The following HMG20A variants were observed in gnomAD, a reference collection of about 807,000 sequenced individuals.
The protein encoded by HMG20A is high mobility group protein 20A.
HMG20A carries 17 observed loss-of-function variants against 43.9 expected under a neutral mutation model. The observed-to-expected ratio is 0.39, with a 90% CI of 0.27 to 0.58. HMG20A has a LOEUF of 0.58. HMG20A is among the 20% of genes least tolerant of loss of function. HMG20A has a pLI of 0.59. For synonymous variants in HMG20A, 132 were observed against 147.5 expected (o/e 0.89, Z 0.76); for missense variants, 341 against 438.2 (o/e 0.78, Z 1.98).
chr15:77,471,829 G>T lies in HMG20A; in HGVS notation c.615+15G>T. On this transcript the variant is annotated intron_variant, in intron 6 of 9. Coordinates refer to ENST00000336216, the MANE Select transcript of HMG20A (RefSeq NM_001304504.2). The stretch of plus-strand genomic sequence containing the variant: ...ATGATCATGAGGTAATTAGCCATCT[G>T]TCTACATATCATATATATGTATTTA... 1 of 1,459,648 alleles carries T rather than the reference G, an allele frequency of 6.9e-7. No individual in the cohort carries two copies. 90.4% of individuals were successfully genotyped at this position (1,459,648 alleles called of 1,614,324 possible). A position where few individuals can be genotyped will look rare whatever the true frequency, so the allele number is the denominator to read the frequency against.
intron 6 of HMG20A, among the ~76,000 whole-genome samples, chr15:77,477,121 T>A (rs547987634): frequency 6.6e-6 from 1 of 152,228 alleles, no homozygotes; most frequent in Non-Finnish European, 1.5e-5. Context: ...TTGTCCACTC[T>A]GCAAATTTAT....
At chr15:77,459,931 C>A (rs1270251189) in intron 2 of HMG20A, among the ~76,000 whole-genome samples, 1 of 152,090 alleles carries the variant, frequency 6.6e-6, no homozygotes, top group African/African-American at 2.4e-5. Context: ...TCATAGGGAT[C>A]AAAATATTTA....
chr15:77,478,166 G>GAGAAT, intron 7 of HMG20A, 129 bp from the exon 8 acceptor site: 1 of 783,152 alleles, frequency 1.3e-6, no homozygotes, highest in Non-Finnish European at 2.2e-6. Context: ...ATGCCATAAT[G>GAGAAT]AGAATAGGGA....
the HMG20A span, among the ~76,000 whole-genome samples, chr15:77,519,011 G>A: frequency 6.6e-6 from 1 of 152,168 alleles, no homozygotes; most frequent in African/African-American, 2.4e-5. Context: ...GATGCTGCAG[G>A]CAATGTCTAT....
the HMG20A span, among the ~76,000 whole-genome samples, chr15:77,518,122 T>A: frequency 2.0e-5 from 3 of 152,148 alleles, no homozygotes; most frequent in African/African-American, 7.2e-5. Context: ...GCTGATCCCA[T>A]CAAGGATGGA....
At chr15:77,492,985 C>T in the HMG20A span, among the ~76,000 whole-genome samples, 1 of 152,040 alleles carries the variant, frequency 6.6e-6, no homozygotes, top group African/African-American at 2.4e-5. Context: ...GGCGGGTTCA[C>T]CAGGAAGGCA....
chr15:77,467,291 C>T lies in HMG20A; in HGVS notation c.434C>T (p.Pro145Leu). 1.9e-6 allele frequency: 3 copies of T among 1,613,042 alleles called. No homozygotes were observed. Among genetic ancestry groups the T allele is most frequent in the Non-Finnish European group, 2.5e-6 (3 of 1,179,112 alleles). The change falls in exon 4 of 10, where the codon CCT becomes CTT. Residue 145 changes from proline to leucine, a missense_variant. By Grantham distance (98) the Pro-to-Leu change is moderately conservative. Coordinates refer to ENST00000336216, the MANE Select transcript of HMG20A (RefSeq NM_001304504.2). ...RMLGNEWSKL[P>L]PEEKQRYLDE... ...TTAGGCAATGAATGGAGTAAACTGCCTCCTGAGGAAAAACAGGTAATTGTT... is the reference window on the plus strand; with the variant it reads ...TTAGGCAATGAATGGAGTAAACTGCTTCCTGAGGAAAAACAGGTAATTGTT...
chr15:77,449,029 A>G (rs2073706387), intron 1 of HMG20A, among the ~76,000 whole-genome samples: 1 of 152,182 alleles, frequency 6.6e-6, no homozygotes, highest in Non-Finnish European at 1.5e-5. Flanking sequence ...AGCCTGGGCA[A>G]CAGAGTGAGG....
At chr15:77,500,813 C>T in the HMG20A span, among the ~76,000 whole-genome samples, 1 of 152,166 alleles carries the variant, frequency 6.6e-6, no homozygotes, top group Non-Finnish European at 1.5e-5. Context: ...AGGGGATCCA[C>T]CTGCCTTGGC....
intron 1 of HMG20A, among the ~76,000 whole-genome samples, chr15:77,439,541 AATTC>A (rs1462747745): frequency 5.9e-5 from 9 of 152,140 alleles, no homozygotes; most frequent in African/African-American, 2.2e-4. Flanking sequence ...ATATCTATGA[AATTC>A]ATCCATGTTG....
At chr15:77,438,794 A>G (rs973757324) in intron 1 of HMG20A, among the ~76,000 whole-genome samples, 1 of 151,786 alleles carries the variant, frequency 6.6e-6, no homozygotes, top group Non-Finnish European at 1.5e-5. Context: ...AATGTTTTCA[A>G]GTTTCTTTTT....
chr15:77,508,450 A>G, the HMG20A span, among the ~76,000 whole-genome samples: 1 of 152,234 alleles, frequency 6.6e-6, no homozygotes, highest in East Asian at 1.9e-4. Flanking sequence ...CAGCTCTATG[A>G]ATAGTGAGTG....
chr15:77,458,782 G>T (rs1311898107), intron 2 of HMG20A, among the ~76,000 whole-genome samples: 1 of 152,166 alleles, frequency 6.6e-6, no homozygotes, highest in Non-Finnish European at 1.5e-5. Context: ...GGAAATACCT[G>T]CCACAGAGCT....
intron 1 of HMG20A, among the ~76,000 whole-genome samples, chr15:77,445,894 A>G (rs1207979645): frequency 6.6e-6 from 1 of 152,174 alleles, no homozygotes; most frequent in Non-Finnish European, 1.5e-5. Context: ...AAACTTATGA[A>G]TTATTTCTGA....
At chr15:77,463,641 G>A (rs1026891164) in intron 2 of HMG20A, among the ~76,000 whole-genome samples, 9 of 152,312 alleles carry the variant, frequency 5.9e-5, no homozygotes, top group African/African-American at 2.2e-4. Flanking sequence ...ATCTGGAATA[G>A]TATAGTGGGA....
At chr15:77,478,927 A>G (rs747622089) in intron 8 of HMG20A, among the ~76,000 whole-genome samples, 5 of 152,260 alleles carry the variant, frequency 3.3e-5, no homozygotes, top group Non-Finnish European at 4.4e-5. Context: ...TAGTCATAGC[A>G]GAAAGCTGAG....
intron 2 of HMG20A, among the ~76,000 whole-genome samples, chr15:77,460,993 A>G (rs2072699672): frequency 6.6e-6 from 1 of 152,198 alleles, no homozygotes; most frequent in South Asian, 2.1e-4. Context: ...TCAAAAAAAG[A>G]AAAAGAAAAA....
chr15:77,509,239 C>T, the HMG20A span, among the ~76,000 whole-genome samples: 3 of 151,790 alleles, frequency 2.0e-5, no homozygotes, highest in Non-Finnish European at 4.4e-5. Context: ...TCCTTCCTTC[C>T]TTCCTTTCTC....
intron 3 of HMG20A, among the ~76,000 whole-genome samples, chr15:77,465,260 C>CAAAAAAAAAAAAAAAAAAAAAAAAAAAAA: frequency 1.7e-5 from 1 of 59,188 alleles, no homozygotes; most frequent in Non-Finnish European, 2.7e-5. Flanking sequence ...GACTTCGTCT[C>CAAAAAAAAAAAAAAAAAAAAAAAAAAAAA]AAAAAAAAAA....
Sources: gnomAD v4.1 joint callset for allele counts (sites outside exome capture counted in the v4.1 genomes callset) on GRCh38, gnomAD v4.1.1 for gene constraint, MANE v1.5 for transcripts, NCBI Gene and HGNC (gene_info 2026-07-23, HGNC 2026-07-21) for gene names.